Variants in YKT6 observed in about 807,000 individuals in gnomAD.
YKT6 encodes the protein YKT6 vesicular SNARE protein.
In YKT6, 12 loss-of-function variants were observed where a neutral mutation model predicts 29.3. That is an observed-to-expected ratio of 0.41 (90% CI 0.26 to 0.66). The LOEUF (loss-of-function observed/expected upper bound fraction) is 0.66. Among genes scored for constraint, YKT6 ranks in the 30% least tolerant of loss-of-function variants. The probability of loss-of-function intolerance (pLI) is 0.32; values close to 1 mark genes in which losing one functional copy is unlikely to be tolerated. For missense variants in YKT6, 188 were observed against 243.8 expected (o/e 0.77, Z 1.52); for synonymous variants, 86 against 94.3 (o/e 0.91, Z 0.51).
At chr7:44,206,575 T>C in intron 3 of YKT6, 90 bp downstream of exon 3, 1 of 1,151,772 alleles carries the variant, frequency 8.7e-7, no homozygotes, top group Non-Finnish European at 1.3e-6. Context: ...CCCTGAGACA[T>C]AAGGGATGAA....
intron 5 of YKT6, chr7:44,210,682 A>G (rs143139785): frequency 5.8e-5 from 2 of 34,272 alleles, no homozygotes; most frequent in South Asian, 3.9e-4. Context: ...ATGTGCGTGC[A>G]CACACACACA....
At chr7:44,205,200 T>C (rs748336919) in intron 2 of YKT6, among the ~76,000 whole-genome samples, 5 of 152,224 alleles carry the variant, frequency 3.3e-5, no homozygotes, top group Non-Finnish European at 7.3e-5. Flanking sequence ...ATTGATGATA[T>C]AAATGTCAGT....
At chr7:44,201,553 C>T (rs192612106) in intron 1 of YKT6, among the ~76,000 whole-genome samples, 6 of 152,216 alleles carry the variant, frequency 3.9e-5, no homozygotes, top group African/African-American at 1.2e-4. Flanking sequence ...GAATATAGTT[C>T]TCTACTCAGT....
At position 44,204,180 on chromosome 7, in the gene YKT6, A is replaced by G. The variant is rs74848073; in HGVS notation, c.105-388A>G. 4.8e-3 allele frequency among the ~76,000 whole-genome samples: 729 copies of G among 152,332 alleles called. 4 individuals carry two copies. Among genetic ancestry groups the G allele is most frequent in the African/African-American group, 0.016 (681 of 41,578 alleles). On this transcript the variant is annotated intron_variant, in intron 1 of 6. Transcript: ENST00000223369. ...TTCTGCCTGACAGTTTTTGCACACT[A>G]TTCTTCTAGTGCAGTTCTTATAAAT... is the stretch of plus-strand genomic sequence containing the variant.
intron 2 of YKT6, among the ~76,000 whole-genome samples, chr7:44,205,483 TTCC>T (rs1012757953): frequency 4.6e-5 from 7 of 152,204 alleles, no homozygotes; most frequent in Non-Finnish European, 8.8e-5. Flanking sequence ...CCCTGTCCTC[TTCC>T]TCCTCCTCAT....
intron 5 of YKT6, chr7:44,208,438 A>T: frequency 2.1e-6 from 1 of 480,654 alleles, no homozygotes; most frequent in South Asian, 2.3e-5. Context: ...GGAACCCTCA[A>T]GTCTCCCTTC....
At chr7:44,201,411 G>C (rs915080780) in intron 1 of YKT6, among the ~76,000 whole-genome samples, 172 bp downstream of exon 1, 1 of 137,084 alleles carries the variant, frequency 7.3e-6, no homozygotes, top group Admixed American at 7.2e-5. Context: ...GCTGGTGTCC[G>C]AGTCAGAGGC....
At chr7:44,209,846 T>C (rs1267049761) in intron 5 of YKT6, among the ~76,000 whole-genome samples, 1 of 152,192 alleles carries the variant, frequency 6.6e-6, no homozygotes, top group Non-Finnish European at 1.5e-5. Flanking sequence ...ATTTCCTAAG[T>C]CAGAGTTTGT....
At position 44,212,239 on chromosome 7, in the gene YKT6, T is replaced by C. The variant is rs780302011; in HGVS notation, c.562-8T>C. ...CTCCTTCTCAGCTCCTCTTTGTTTTTTTCCAAGGCCCGGAAACAAAACTCA... is the reference window on the plus strand; with the variant it reads ...CTCCTTCTCAGCTCCTCTTTGTTTTCTTCCAAGGCCCGGAAACAAAACTCA... On this transcript the variant is annotated splice_region_variant and splice_polypyrimidine_tract_variant and intron_variant, in intron 6 of 6. Coordinates refer to ENST00000223369, the MANE Select transcript of YKT6 (RefSeq NM_006555.4). 1 of 1,614,114 alleles carries C rather than the reference T, an allele frequency of 6.2e-7. No individual in the cohort carries two copies. Among genetic ancestry groups the C allele is most frequent in the Non-Finnish European group, 8.5e-7 (1 of 1,180,014 alleles).
intron 5 of YKT6, among the ~76,000 whole-genome samples, chr7:44,210,028 G>A (rs1406150376): frequency 3.9e-5 from 6 of 152,280 alleles, no homozygotes; most frequent in African/African-American, 9.6e-5. Flanking sequence ...TTTACTTAAC[G>A]CAGTATATCC....
In YKT6 at chr7:44,212,456, T is replaced by A. The variant is rs1350835950; in HGVS notation, c.*174T>A. 2.8e-5 allele frequency: 22 copies of A among 777,638 alleles called. No homozygotes were observed. Among genetic ancestry groups the A allele is most frequent in the Non-Finnish European group, 4.3e-5 (21 of 488,046 alleles). 48.2% of individuals were successfully genotyped at this position (777,638 alleles called of 1,614,324 possible). On this transcript the variant is annotated 3_prime_UTR_variant, in exon 7 of 7. Transcript: ENST00000223369. ...GGTGGAAGGGTGGCGAATGTTCAAATTCATATGTGTGGTAGTGATTCTTGG... is the reference window on the plus strand; with the variant it reads ...GGTGGAAGGGTGGCGAATGTTCAAAATCATATGTGTGGTAGTGATTCTTGG...
In YKT6 at chr7:44,212,261, C is replaced by T. The variant is rs748792962; in HGVS notation, c.576C>T (p.Asn192=). 2 of 1,614,064 alleles carry T rather than the reference C, an allele frequency of 1.2e-6. No individual in the cohort carries two copies. Among genetic ancestry groups the T allele is most frequent in the Non-Finnish European group, 1.7e-6 (2 of 1,179,990 alleles). Residue 192 remains asparagine, a synonymous_variant, in exon 7 of 7, where the codon AAC becomes AAT. Coordinates refer to ENST00000223369, the MANE Select transcript of YKT6 (RefSeq NM_006555.4). ...TTTTTTCCAAGGCCCGGAAACAAAA[C>T]TCATGCTGTGCCATCATGTGATGCA... The part of the protein sequence containing the change: ...KAFYKTARKQ[N]SCCAIM
intron 5 of YKT6, 39 bp downstream of exon 5, chr7:44,208,237 C>T (rs1010891366): frequency 1.4e-5 from 23 of 1,607,964 alleles, no homozygotes; most frequent in East Asian, 4.5e-5. Context: ...AGAACTGAGG[C>T]GGGGGTGCGA....
intron 2 of YKT6, among the ~76,000 whole-genome samples, 183 bp from the exon 3 acceptor site, chr7:44,206,202 C>T (rs1213716107): frequency 6.6e-6 from 1 of 152,232 alleles, no homozygotes; most frequent in Non-Finnish European, 1.5e-5. Context: ...AGGCGTTGGG[C>T]CAAGCTCCTG....
Position 44,201,089 on chromosome 7 carries a change from A to G in YKT6, c.-47A>G. The G allele has an allele frequency of 6.6e-7, 1 of 1,512,158 alleles. No individual in the cohort carries two copies. Among genetic ancestry groups the G allele is most frequent in the Non-Finnish European group, 8.9e-7 (1 of 1,125,874 alleles). 93.7% of individuals were successfully genotyped at this position (1,512,158 alleles called of 1,614,324 possible). Reference sequence around the variant, plus strand: ...GGCGGCGGCCGCGCTGCTCCCTGAGAACGGGTCCCGCAGCTGGGCAGGCGG... The same window carrying G: ...GGCGGCGGCCGCGCTGCTCCCTGAGGACGGGTCCCGCAGCTGGGCAGGCGG... On this transcript the variant is annotated 5_prime_UTR_variant, in exon 1 of 7. Transcript: ENST00000223369.
chr7:44,204,490 A>G, intron 1 of YKT6, 78 bp from the exon 2 acceptor site: 3 of 1,411,132 alleles, frequency 2.1e-6, no homozygotes, highest in Non-Finnish European at 3.0e-6. Context: ...CTTAATGTAT[A>G]AGCCCAGAGG....
chr7:44,211,693 C>T (rs1441503460), intron 6 of YKT6: 2 of 884,754 alleles, frequency 2.3e-6, no homozygotes, highest in Non-Finnish European at 2.7e-6. Flanking sequence ...TCTGTCCACA[C>T]ACATTTGCTT....
rs2096347685 is a variant in YKT6 at position 44,212,283 on chromosome 7, T to C, written c.*1T>C. 2 of 1,613,816 alleles carry C rather than the reference T, an allele frequency of 1.2e-6. No individual in the cohort carries two copies. The highest frequency in any genetic ancestry group is 3.3e-5 in the Admixed American group (2 of 60,008). ...AAACTCATGCTGTGCCATCATGTGATGCAGCCTGCCAGAGGCCCAATGCTG... is the reference window on the plus strand; with the variant it reads ...AAACTCATGCTGTGCCATCATGTGACGCAGCCTGCCAGAGGCCCAATGCTG... On this transcript the variant is annotated 3_prime_UTR_variant, in exon 7 of 7. Coordinates refer to ENST00000223369, the MANE Select transcript of YKT6 (RefSeq NM_006555.4).
rs2096334803 is a variant in YKT6 at position 44,201,055 on chromosome 7, G to T, written c.-81G>T. The T allele has an allele frequency of 1.6e-6, 2 of 1,287,654 alleles. No individual in the cohort carries two copies. Among genetic ancestry groups the T allele is most frequent in the South Asian group, 3.0e-5 (2 of 66,762 alleles). 79.8% of individuals were successfully genotyped at this position (1,287,654 alleles called of 1,614,324 possible). ...GCTGAGAGGCCGGTAGGCGGCGGCG[G>T]TCCCGAGGGGCGGCGGCCGCGCTGC... On this transcript the variant is annotated 5_prime_UTR_variant, in exon 1 of 7. Transcript: ENST00000223369.
Sources: gnomAD v4.1 joint callset for allele counts (sites outside exome capture counted in the v4.1 genomes callset) on GRCh38, gnomAD v4.1.1 for gene constraint, MANE v1.5 for transcripts, NCBI Gene and HGNC (gene_info 2026-07-23, HGNC 2026-07-21) for gene names.